CCDC171: variants seen among roughly 807,000 people sequenced by gnomAD.
CCDC171 encodes coiled-coil domain containing 171, also known as coiled-coil domain-containing protein 171.
In CCDC171, 177 loss-of-function variants were observed where a neutral mutation model predicts 168.2. The observed-to-expected ratio is 1.05, with a 90% CI of 0.93 to 1.19. The LOEUF is 1.19. Among genes scored for constraint, CCDC171 ranks in the 50% most tolerant of loss-of-function variants. The probability of loss-of-function intolerance (pLI) is 0.00; values close to 1 mark genes in which losing one functional copy is unlikely to be tolerated. For missense variants in CCDC171, 1,991 were observed against 1,539.0 expected (o/e 1.29, Z -4.91); for synonymous variants, 687 against 540.8 (o/e 1.27, Z -3.75).
chr9:15,944,405 T>A (rs960361592), intron 25 of CCDC171, among the ~76,000 whole-genome samples: 1 of 152,014 alleles, frequency 6.6e-6, no homozygotes, highest in African/African-American at 2.4e-5. Flanking sequence ...GCTAAAATGC[T>A]GTAAAAGGAA....
intron 8 of CCDC171, among the ~76,000 whole-genome samples, chr9:15,665,068 G>A (rs777920398): frequency 1.2e-4 from 19 of 152,054 alleles, no homozygotes; most frequent in Admixed American, 3.3e-4. Flanking sequence ...CTTTACTCAC[G>A]TCAATGGTGT....
chr9:15,583,410 A>G (rs983027224), intron 4 of CCDC171, among the ~76,000 whole-genome samples: 2 of 148,514 alleles, frequency 1.3e-5, no homozygotes, highest in African/African-American at 4.9e-5. Context: ...CTCCATCTCA[A>G]AAAAAAAAAA....
chr9:15,624,400 G>A (rs528515959), intron 7 of CCDC171, among the ~76,000 whole-genome samples: 1 of 152,028 alleles, frequency 6.6e-6, no homozygotes, highest in Non-Finnish European at 1.5e-5. Context: ...TGCCATGTTG[G>A]TGTGCTGCAC....
intron 25 of CCDC171, among the ~76,000 whole-genome samples, chr9:15,936,539 G>A (rs553176616): frequency 3.1e-4 from 47 of 152,066 alleles, no homozygotes; most frequent in Non-Finnish European, 5.7e-4. Context: ...GCGAGAGGAG[G>A]GTGGGATGCA....
chr9:16,082,688 C>G, the CCDC171 span, among the ~76,000 whole-genome samples: 1 of 152,186 alleles, frequency 6.6e-6, no homozygotes, highest in African/African-American at 2.4e-5. Flanking sequence ...CATGCGTGAG[C>G]TTTTTATAAA....
intron 23 of CCDC171, among the ~76,000 whole-genome samples, chr9:15,851,292 A>C (rs1289908722): frequency 6.6e-6 from 1 of 151,908 alleles, no homozygotes; most frequent in Non-Finnish European, 1.5e-5. Flanking sequence ...TTTAATAAGG[A>C]AGGTCAGTCA....
rs531674128 is a variant in CCDC171, at chr9:15,959,973, C to A, written c.3754-11636C>A. Among the ~76,000 whole-genome samples the A allele has an allele frequency of 8.5e-5, 13 of 152,292 alleles. No individual in the cohort carries two copies. The East Asian group carries it at 2.1e-3, about 25-fold the overall frequency. On this transcript the variant is annotated intron_variant, in intron 25 of 25. Coordinates refer to ENST00000380701, the MANE Select transcript of CCDC171 (RefSeq NM_173550.4). ...TAGAGCTATCACCCATATGACCTAG[C>A]AAGCCCCCTAATACATTGAAGGCAG...
intron 25 of CCDC171, among the ~76,000 whole-genome samples, chr9:15,943,672 T>C (rs1202542510): frequency 6.6e-6 from 1 of 152,006 alleles, no homozygotes; most frequent in Non-Finnish European, 1.5e-5. Context: ...TCTTCCCTTT[T>C]GAAGAGTTCT....
chr9:15,793,616 C>T (rs2058396744), intron 21 of CCDC171, among the ~76,000 whole-genome samples: 2 of 122,444 alleles, frequency 1.6e-5, no homozygotes, highest in Admixed American at 1.9e-4. Flanking sequence ...GTGGCTGGAT[C>T]TCAACTCACT....
At chr9:15,576,079 G>A (rs1054455980) in intron 3 of CCDC171, among the ~76,000 whole-genome samples, 21 of 139,026 alleles carry the variant, frequency 1.5e-4, no homozygotes, top group African/African-American at 5.7e-4. Context: ...GCAACAGAGC[G>A]AGACTCTGTC....
In CCDC171 at chr9:15,662,027, A is replaced by C. The variant is rs1291210528; in HGVS notation, c.916-4136A>C. ...TGCAGTGGCTCACACCTGTTATCCC[A>C]GCACTTTGGGAGGCTGAGGTGGGCA... On this transcript the variant is annotated intron_variant, in intron 8 of 25. Transcript: ENST00000380701. 2.0e-5 allele frequency among the ~76,000 whole-genome samples: 3 copies of C among 152,244 alleles called. No individual in the cohort carries two copies. The East Asian group carries it at 5.8e-4, about 29-fold the overall frequency.
chr9:15,777,071 A>G (rs1213772539), intron 18 of CCDC171, among the ~76,000 whole-genome samples: 1 of 152,240 alleles, frequency 6.6e-6, no homozygotes, highest in East Asian at 1.9e-4. Flanking sequence ...ACAATTATTA[A>G]TTACAGACCT....
At chr9:15,671,930 T>G (rs1286887137) in intron 9 of CCDC171, among the ~76,000 whole-genome samples, 1 of 152,236 alleles carries the variant, frequency 6.6e-6, no homozygotes, top group East Asian at 1.9e-4. Context: ...ATTGCCACAC[T>G]GTCTTCCACA....
intron 21 of CCDC171, among the ~76,000 whole-genome samples, chr9:15,811,011 A>G (rs1365354042): frequency 2.0e-5 from 3 of 152,244 alleles, no homozygotes; most frequent in African/African-American, 7.2e-5. Context: ...TAACTGTCAT[A>G]TCAGCAGCAT....
intron 21 of CCDC171, among the ~76,000 whole-genome samples, chr9:15,825,433 C>T (rs971535840): frequency 1.3e-5 from 2 of 152,106 alleles, no homozygotes; most frequent in Non-Finnish European, 2.9e-5. Context: ...CATACGTTCT[C>T]TGCAATCCTC....
chr9:15,559,327 G>T lies in CCDC171; in HGVS notation c.-111-4651G>T, dbSNP rs979870536. Among the ~76,000 whole-genome samples, 3 of 152,108 alleles carry T rather than the reference G, an allele frequency of 2.0e-5. No homozygotes were observed. In the South Asian group the frequency reaches 6.2e-4, roughly 31 times the overall value. ...CTCATTGATCTGTCTAATGTTTACA[G>T]TGGGGTTTTAAAGTCTCCCATTATT... On this transcript the variant is annotated intron_variant, in intron 1 of 25. Transcript: ENST00000380701.
intron 7 of CCDC171, among the ~76,000 whole-genome samples, chr9:15,653,091 A>G (rs1027364470): frequency 1.3e-5 from 2 of 152,164 alleles, no homozygotes; most frequent in African/African-American, 4.8e-5. Flanking sequence ...TTTAGTCGTG[A>G]AAGTCTTAAT....
rs761735856 is a variant in CCDC171 at position 15,623,394 on chromosome 9, G to A, written c.803G>A (p.Arg268His). Residue 268 changes from arginine to histidine, a missense_variant, in exon 7 of 26, where the codon CGC (arginine) becomes CAC (histidine). Coordinates refer to ENST00000380701, the MANE Select transcript of CCDC171 (RefSeq NM_173550.4). ...GAATTTAGCACTCAACGAGAGGAAC[G>A]CCTTAGAAAAGAATTTGAGGTACAT... is the stretch of plus-strand genomic sequence containing the variant. ...ELEFSTQREE[R>H]LRKEFEATTL... The A allele has an allele frequency of 2.8e-5, 45 of 1,602,078 alleles. 1 individual carries two copies. In the Middle Eastern group the frequency reaches 1.5e-3, roughly 53 times the overall value.
At chr9:16,077,270 G>C in the CCDC171 span, among the ~76,000 whole-genome samples, 6 of 152,278 alleles carry the variant, frequency 3.9e-5, no homozygotes, top group African/African-American at 1.4e-4. Flanking sequence ...GTTTGGACAG[G>C]TACATGGTGG....
Sources: allele counts gnomAD v4.1 joint callset (sites outside exome capture counted in the v4.1 genomes callset), GRCh38; gene constraint gnomAD v4.1.1; transcripts MANE v1.5; gene names NCBI Gene and HGNC (gene_info 2026-07-23, HGNC 2026-07-21).